Variants in AHCYL2 observed in about 807,000 individuals in gnomAD.
AHCYL2 encodes the protein adenosylhomocysteinase like 2.
Under a neutral mutation model 81.4 loss-of-function variants are expected in AHCYL2, and 28 were observed. The observed-to-expected ratio is 0.34, with a 90% confidence interval of 0.25 to 0.47. The LOEUF (loss-of-function observed/expected upper bound fraction) is 0.47, where lower values mean the gene tolerates loss of function less well. Ranked by LOEUF, AHCYL2 falls within the 20% of genes least tolerant of loss-of-function variation. The pLI is 1.00. For missense variants in AHCYL2, 551 were observed against 785.1 expected (o/e 0.70, Z 3.56); for synonymous variants, 272 against 290.2 (o/e 0.94, Z 0.64).
chr7:129,420,477 CTT>C (rs11414828), intron 12 of AHCYL2, among the ~76,000 whole-genome samples: 31 of 126,782 alleles, frequency 2.4e-4, no homozygotes, highest in East Asian at 2.2e-4. Flanking sequence ...TGCTTAAATT[CTT>C]TTTTTTTTTT....
chr7:129,268,599 G>A (rs961055603), intron 1 of AHCYL2, among the ~76,000 whole-genome samples: 1 of 152,084 alleles, frequency 6.6e-6, no homozygotes, highest in Non-Finnish European at 1.5e-5. Flanking sequence ...GGATCCACCC[G>A]CTTCGGCCTC....
chr7:129,236,754 C>T (rs896638563), intron 1 of AHCYL2, among the ~76,000 whole-genome samples: 4 of 152,178 alleles, frequency 2.6e-5, no homozygotes, highest in Admixed American at 6.5e-5. Flanking sequence ...ATTTTTCCAT[C>T]TTTGGGGGAA....
intron 1 of AHCYL2, among the ~76,000 whole-genome samples, chr7:129,308,017 C>G (rs544860730): frequency 1.6e-4 from 25 of 151,928 alleles, no homozygotes; most frequent in Admixed American, 1.1e-3. Context: ...AAAGGGGTCT[C>G]TTCTGAAGCT....
chr7:129,242,619 A>T (rs563889205), intron 1 of AHCYL2, among the ~76,000 whole-genome samples: 3 of 152,012 alleles, frequency 2.0e-5, no homozygotes, highest in African/African-American at 7.2e-5. Context: ...CCGGAGGCTG[A>T]TGCAGGAGAA....
At chr7:129,267,202 C>T (rs561510699) in intron 1 of AHCYL2, among the ~76,000 whole-genome samples, 45 of 148,144 alleles carry the variant, frequency 3.0e-4, no homozygotes, top group Admixed American at 1.9e-3. Context: ...GAGTAGTACA[C>T]CCTCCAAGTT....
At chr7:129,226,212 GGGTTTTC>G (rs1245425493) in intron 1 of AHCYL2, among the ~76,000 whole-genome samples, 1 of 152,176 alleles carries the variant, frequency 6.6e-6, no homozygotes, top group Non-Finnish European at 1.5e-5. Flanking sequence ...GATCTTTGTG[GGGTTTTC>G]GGTCTTAGGC....
chr7:129,348,488 T>A (rs111287820), intron 1 of AHCYL2, among the ~76,000 whole-genome samples: 1 of 151,810 alleles, frequency 6.6e-6, no homozygotes, highest in African/African-American at 2.4e-5. Flanking sequence ...GATATTCAGG[T>A]GCTGAAGGAA....
chr7:129,425,678 C>T (rs1425073279), intron 15 of AHCYL2, among the ~76,000 whole-genome samples: 1 of 152,208 alleles, frequency 6.6e-6, no homozygotes, highest in Non-Finnish European at 1.5e-5. Context: ...AAAGAGCCTG[C>T]CTCAAGCACC....
intron 1 of AHCYL2, among the ~76,000 whole-genome samples, chr7:129,250,870 C>T (rs149842992): frequency 6.6e-6 from 1 of 152,118 alleles, no homozygotes; most frequent in Non-Finnish European, 1.5e-5. Context: ...TACTTTGAGT[C>T]CTTCAGTTTT....
At chr7:129,267,066 G>C (rs896302286) in intron 1 of AHCYL2, among the ~76,000 whole-genome samples, 2 of 151,874 alleles carry the variant, frequency 1.3e-5, no homozygotes, top group African/African-American at 4.8e-5. Flanking sequence ...TGTTGCACAA[G>C]TATGCCTAAT....
intron 1 of AHCYL2, among the ~76,000 whole-genome samples, chr7:129,311,686 G>A (rs1797663802): frequency 1.3e-5 from 2 of 149,476 alleles, no homozygotes; most frequent in South Asian, 4.2e-4. Flanking sequence ...TATATTCATA[G>A]TCTAACCACT....
At chr7:129,300,029 G>A (rs1474162369) in intron 1 of AHCYL2, among the ~76,000 whole-genome samples, 1 of 152,100 alleles carries the variant, frequency 6.6e-6, no homozygotes, top group Non-Finnish European at 1.5e-5. Flanking sequence ...TGGGTACATA[G>A]TAGGTGCATA....
chr7:129,360,599 G>A (rs1793898498), intron 1 of AHCYL2, among the ~76,000 whole-genome samples: 1 of 152,232 alleles, frequency 6.6e-6, no homozygotes, highest in Non-Finnish European at 1.5e-5. Context: ...ATAGAGATCA[G>A]TCTGGGGGAT....
intron 1 of AHCYL2, among the ~76,000 whole-genome samples, chr7:129,270,230 T>C (rs1386538972): frequency 6.6e-6 from 1 of 152,234 alleles, no homozygotes; most frequent in Non-Finnish European, 1.5e-5. Context: ...ACGTCAGTTG[T>C]GTTTAGAACT....
chr7:129,364,075 C>G (rs1794022178), intron 1 of AHCYL2, among the ~76,000 whole-genome samples: 1 of 151,602 alleles, frequency 6.6e-6, no homozygotes, highest in Non-Finnish European at 1.5e-5. Flanking sequence ...GCTATCTCTA[C>G]AAAAAATTCA....
chr7:129,400,150 A>G, intron 5 of AHCYL2, 140 bp from the exon 6 acceptor site: 1 of 674,548 alleles, frequency 1.5e-6, no homozygotes, highest in Non-Finnish European at 2.5e-6. Flanking sequence ...GGCAACGCCA[A>G]TCAGTGAAGA....
At chr7:129,385,945 CTG>C (rs1795180403) in intron 2 of AHCYL2, among the ~76,000 whole-genome samples, 1 of 152,168 alleles carries the variant, frequency 6.6e-6, no homozygotes, top group Non-Finnish European at 1.5e-5. Flanking sequence ...GTTTGTTACT[CTG>C]TGGCAGAAAT....
chr7:129,256,301 G>A (rs1795417673), intron 1 of AHCYL2, among the ~76,000 whole-genome samples: 1 of 152,150 alleles, frequency 6.6e-6, no homozygotes. Flanking sequence ...AAAAGATTAT[G>A]TATCAAATAT....
At chr7:129,225,662 A>G (rs552470879) in intron 1 of AHCYL2, among the ~76,000 whole-genome samples, 1 of 152,098 alleles carries the variant, frequency 6.6e-6, no homozygotes, top group African/African-American at 2.4e-5. Flanking sequence ...TCTGAATAAC[A>G]TGGAGGTAGC....
Sources: gnomAD v4.1 joint callset for allele counts (sites outside exome capture counted in the v4.1 genomes callset) on GRCh38, gnomAD v4.1.1 for gene constraint, MANE v1.5 for transcripts, NCBI Gene and HGNC (gene_info 2026-07-23, HGNC 2026-07-21) for gene names.